CRYBG1: variants seen among roughly 807,000 people sequenced by gnomAD.
The protein encoded by CRYBG1 is crystallin beta-gamma domain containing 1.
In CRYBG1, 139 loss-of-function variants were observed where a neutral mutation model predicts 189.2. That is an observed-to-expected ratio of 0.73 (90% confidence interval 0.64 to 0.85). The LOEUF (loss-of-function observed/expected upper bound fraction) is 0.85. CRYBG1 is among the 40% of genes least tolerant of loss of function. The probability of loss-of-function intolerance (pLI) is 0.00; values close to 1 mark genes in which losing one functional copy is unlikely to be tolerated. For synonymous variants in CRYBG1, 1,023 were observed against 1,017.1 expected (o/e 1.01, Z -0.11); for missense variants, 2,611 against 2,675.8 (o/e 0.98, Z 0.53).
intron 1 of CRYBG1, among the ~76,000 whole-genome samples, chr6:106,423,740 C>G (rs1393376569): frequency 8.7e-6 from 1 of 115,388 alleles, no homozygotes; most frequent in African/African-American, 3.4e-5. Flanking sequence ...AGGTCTCACA[C>G]TGTCACCAAA....
In CRYBG1 at chr6:106,514,873, C is replaced by T. The variant is rs75481219; in HGVS notation, c.1922+1834C>T. 5.1e-3 allele frequency among the ~76,000 whole-genome samples: 773 copies of T among 152,234 alleles called. 7 individuals carry two copies. Among genetic ancestry groups the T allele is most frequent in the African/African-American group, 0.018 (743 of 41,542 alleles). On this transcript the variant is annotated intron_variant, in intron 3 of 21. Transcript: ENST00000633556. ...CCAGACATTCAATGTATTTGTTTTG[C>T]GCAGTGCCTTGCACATGGTCATTTG...
intron 2 of CRYBG1, among the ~76,000 whole-genome samples, chr6:106,452,302 A>G (rs1055969206): frequency 6.7e-6 from 1 of 150,180 alleles, no homozygotes; most frequent in African/African-American, 2.4e-5. Context: ...GGGCACCTGT[A>G]ATCCCATGTA....
intron 13 of CRYBG1, among the ~76,000 whole-genome samples, chr6:106,547,647 A>C (rs1323259786): frequency 6.6e-6 from 1 of 152,062 alleles, no homozygotes; most frequent in Non-Finnish European, 1.5e-5. Context: ...TTGGTTCTTT[A>C]TTTCTTATTA....
intron 13 of CRYBG1, 64 bp from the exon 14 acceptor site, chr6:106,551,788 C>A: frequency 6.6e-7 from 1 of 1,507,286 alleles, no homozygotes; most frequent in Non-Finnish European, 9.1e-7. Context: ...CATAGATATC[C>A]AAATATGTGA....
intron 2 of CRYBG1, among the ~76,000 whole-genome samples, chr6:106,460,771 C>A (rs527956357): frequency 9.4e-4 from 143 of 152,148 alleles, no homozygotes; most frequent in Middle Eastern, 3.4e-3. Flanking sequence ...ACTTTCAATC[C>A]CTTTGTTTTG....
In CRYBG1 at chr6:106,512,099, C is replaced by G. The variant is rs1177818379; in HGVS notation, c.982C>G (p.Pro328Ala). ...GTGTGCCGAAGAAGGCTCCCTGGGG[C>G]CCCGCAACGCCCGCAGCCAGCCCCC... ...SVCAEEGSLG[P>A]RNARSQPPKG... is the part of the protein sequence containing the mutation. Residue 328 changes from proline (P) to alanine (A), a missense_variant, in exon 3 of 22, where the codon CCC (proline) becomes GCC (alanine). Coordinates refer to ENST00000633556, the MANE Select transcript of CRYBG1 (RefSeq NM_001371242.2). 6.5e-7 allele frequency: 1 copy of G among 1,534,342 alleles called. No individual in the cohort carries two copies. Among genetic ancestry groups the G allele is most frequent in the Admixed American group, 2.0e-5 (1 of 50,930 alleles).
intron 1 of CRYBG1, among the ~76,000 whole-genome samples, chr6:106,425,717 C>T (rs113166648): frequency 9.2e-5 from 14 of 152,226 alleles, no homozygotes; most frequent in African/African-American, 3.1e-4. Context: ...CTGCAACCTC[C>T]GCCTCCCAGG....
intron 2 of CRYBG1, 149 bp downstream of exon 2, chr6:106,451,981 T>A: frequency 1.9e-5 from 6 of 314,006 alleles, no homozygotes; most frequent in Non-Finnish European, 3.1e-5. Flanking sequence ...GTAATATATG[T>A]TATATAATAT....
chr6:106,384,951 A>G (rs1353745105), intron 1 of CRYBG1, among the ~76,000 whole-genome samples: 1 of 143,984 alleles, frequency 6.9e-6, no homozygotes, highest in Non-Finnish European at 1.5e-5. Context: ...ATGTTCACTC[A>G]TCACTCCCAT....
At chr6:106,525,105 T>C (rs1773707548) in intron 4 of CRYBG1, 28 bp from the exon 5 acceptor site, 1 of 1,611,684 alleles carries the variant, frequency 6.2e-7, no homozygotes, top group African/African-American at 1.3e-5. Context: ...TGTAATTATT[T>C]GTTGTGTTTT....
At position 106,564,053 on chromosome 6, in the gene CRYBG1, T is replaced by A. The variant is rs564967547; in HGVS notation, c.6301+127T>A. The A allele has an allele frequency of 7.2e-4, 725 of 1,007,194 alleles. 1 individual carries two copies. Among genetic ancestry groups the A allele is most frequent in the Admixed American group, 1.3e-3 (58 of 43,828 alleles). The allele number at this position is 1,007,194 out of a possible 1,614,324, so 62.4% of individuals were successfully genotyped here. On this transcript the variant is annotated intron_variant, in intron 21 of 21. Coordinates refer to ENST00000633556, the MANE Select transcript of CRYBG1 (RefSeq NM_001371242.2). ...AGTAACAGTAAGAGAGCCCCTACTG[T>A]GTGCCAGCTGCTGTGCTAGCCACTT...
chr6:106,533,547 A>T (rs559431542), intron 8 of CRYBG1, among the ~76,000 whole-genome samples: 1 of 152,340 alleles, frequency 6.6e-6, no homozygotes, highest in South Asian at 2.1e-4. Flanking sequence ...TGCACTTGCA[A>T]TCATACAGCC....
At chr6:106,380,676 T>C (rs1034426165) in intron 1 of CRYBG1, among the ~76,000 whole-genome samples, 27 of 152,230 alleles carry the variant, frequency 1.8e-4, no homozygotes, top group Admixed American at 5.9e-4. Flanking sequence ...TTGACTTTCT[T>C]GAGGCTTAGA....
At chr6:106,501,324 A>G (rs1242879577) in intron 2 of CRYBG1, among the ~76,000 whole-genome samples, 2 of 152,166 alleles carry the variant, frequency 1.3e-5, no homozygotes, top group African/African-American at 4.8e-5. Context: ...TGCAAAAAAG[A>G]GATTAAAAAA....
chr6:106,395,941 T>C (rs762741917), intron 1 of CRYBG1, among the ~76,000 whole-genome samples: 3 of 152,232 alleles, frequency 2.0e-5, no homozygotes, highest in African/African-American at 7.2e-5. Flanking sequence ...TGGTCATGTT[T>C]CCGCTTCCAT....
chr6:106,493,901 A>G (rs544127066), intron 2 of CRYBG1, among the ~76,000 whole-genome samples: 8 of 152,176 alleles, frequency 5.3e-5, no homozygotes, highest in South Asian at 2.1e-4. Context: ...CCACCATGGC[A>G]TACGTTTACC....
At chr6:106,505,241 C>A (rs535025243) in intron 2 of CRYBG1, among the ~76,000 whole-genome samples, 1 of 152,040 alleles carries the variant, frequency 6.6e-6, no homozygotes, top group Non-Finnish European at 1.5e-5. Context: ...ACTACAGGCA[C>A]GTGCCACCAC....
intron 1 of CRYBG1, among the ~76,000 whole-genome samples, chr6:106,377,619 TTTTATATA>T (rs371402241): frequency 0.41 from 49,518 of 122,242 alleles, 10,226 homozygotes; most frequent in Admixed American, 0.43. Flanking sequence ...AGTCCTAAGG[TTTTATATA>T]TATATATATA....
chr6:106,442,081 G>A (rs540952726), intron 1 of CRYBG1, among the ~76,000 whole-genome samples: 6 of 152,242 alleles, frequency 3.9e-5, no homozygotes, highest in African/African-American at 1.4e-4. Context: ...TGAAACCTCT[G>A]AATTATAGCT....
Sources: gnomAD v4.1 joint callset for allele counts (sites outside exome capture counted in the v4.1 genomes callset) on GRCh38, gnomAD v4.1.1 for gene constraint, MANE v1.5 for transcripts, NCBI Gene and HGNC (gene_info 2026-07-23, HGNC 2026-07-21) for gene names.